The following FBXL17 variants were observed in gnomAD, a reference collection of about 807,000 sequenced individuals.
FBXL17 encodes F-box/LRR-repeat protein 17.
FBXL17 carries 22 observed loss-of-function variants against 66.2 expected under a neutral mutation model. That is an observed-to-expected ratio of 0.33 (90% CI 0.24 to 0.47). The LOEUF (loss-of-function observed/expected upper bound fraction) is 0.47. Ranked by LOEUF, FBXL17 falls within the 20% of genes least tolerant of loss-of-function variation. The pLI, the probability that FBXL17 is intolerant of heterozygous loss-of-function variation, is 1.00. For synonymous variants in FBXL17, 474 were observed against 400.5 expected, an observed-to-expected ratio of 1.18 and a Z score of -2.19; for missense variants, 878 against 948.2, an observed-to-expected ratio of 0.93 and a Z score of 0.97.
chr5:108,161,945 A>T (rs1752233886), intron 6 of FBXL17, among the ~76,000 whole-genome samples: 1 of 152,230 alleles, frequency 6.6e-6, no homozygotes, highest in Non-Finnish European at 1.5e-5. Flanking sequence ...TGCAAATTGG[A>T]GACCATTAAT....
intron 6 of FBXL17, among the ~76,000 whole-genome samples, chr5:108,137,829 A>C (rs1043818124): frequency 6.6e-6 from 1 of 152,202 alleles, no homozygotes; most frequent in Non-Finnish European, 1.5e-5. Context: ...GAAGCATTAC[A>C]TGTAATTTTA....
At chr5:108,325,980 G>A (rs1350429884) in intron 4 of FBXL17, among the ~76,000 whole-genome samples, 1 of 152,140 alleles carries the variant, frequency 6.6e-6, no homozygotes, top group Non-Finnish European at 1.5e-5. Flanking sequence ...CTAGACAGAG[G>A]ACATAGAAAG....
intron 4 of FBXL17, among the ~76,000 whole-genome samples, chr5:108,227,464 T>A (rs1364854921): frequency 1.3e-5 from 2 of 152,224 alleles, no homozygotes; most frequent in African/African-American, 4.8e-5. Flanking sequence ...TATGCTTAAT[T>A]TCAGATTCAC....
chr5:108,314,748 A>G (rs1274975063), intron 4 of FBXL17, among the ~76,000 whole-genome samples: 1 of 151,492 alleles, frequency 6.6e-6, no homozygotes, highest in Non-Finnish European at 1.5e-5. Flanking sequence ...GAAAGTTATT[A>G]AAGTCCTAAG....
chr5:107,879,428 G>A, intron 8 of FBXL17: 1 of 985,452 alleles, frequency 1.0e-6, no homozygotes. Context: ...TTGGTTAGTG[G>A]AAAGATTTGT....
chr5:108,199,226 A>C (rs73778682), intron 5 of FBXL17, among the ~76,000 whole-genome samples: 10,984 of 152,188 alleles, frequency 0.072, 1,313 homozygotes, highest in African/African-American at 0.25. Context: ...GATTTTTTTA[A>C]AACAAATAAA....
intron 8 of FBXL17, chr5:107,879,056 C>G (rs1373496684): frequency 1.0e-6 from 1 of 985,298 alleles, no homozygotes; most frequent in East Asian, 1.1e-4. Flanking sequence ...AGAAAATAAC[C>G]CATTTCTTAA....
At chr5:108,075,970 C>A (rs1253093594) in intron 6 of FBXL17, among the ~76,000 whole-genome samples, 1 of 152,090 alleles carries the variant, frequency 6.6e-6, no homozygotes, top group African/African-American at 2.4e-5. Context: ...AAGAAATGAT[C>A]CCAAATGTTT....
At chr5:107,990,659 T>C (rs1753203581) in intron 7 of FBXL17, among the ~76,000 whole-genome samples, 2 of 152,198 alleles carry the variant, frequency 1.3e-5, no homozygotes. Flanking sequence ...AGGGCTGGCA[T>C]ATAGCAAGTG....
chr5:108,253,857 G>T (rs1159027400), intron 4 of FBXL17, among the ~76,000 whole-genome samples: 1 of 152,076 alleles, frequency 6.6e-6, no homozygotes, highest in Non-Finnish European at 1.5e-5. Context: ...GCCAGGCATG[G>T]TGGTGGGTGC....
chr5:107,940,815 A>T (rs1751067113), intron 7 of FBXL17, among the ~76,000 whole-genome samples: 1 of 152,156 alleles, frequency 6.6e-6, no homozygotes, highest in Non-Finnish European at 1.5e-5. Flanking sequence ...TACACACTAG[A>T]ATCACCTGGA....
intron 5 of FBXL17, among the ~76,000 whole-genome samples, chr5:108,188,164 A>C (rs1028677619): frequency 6.6e-6 from 1 of 152,204 alleles, no homozygotes; most frequent in Non-Finnish European, 1.5e-5. Flanking sequence ...GGCAGTACTC[A>C]CACTCTTTCC....
chr5:108,257,776 A>G (rs1267848378), intron 4 of FBXL17, among the ~76,000 whole-genome samples: 1 of 152,176 alleles, frequency 6.6e-6, no homozygotes, highest in Non-Finnish European at 1.5e-5. Context: ...TTAAATGGGC[A>G]AAATGATCTT....
chr5:108,319,635 GTTTAT>G, intron 4 of FBXL17, among the ~76,000 whole-genome samples: 1 of 151,436 alleles, frequency 6.6e-6, no homozygotes, highest in African/African-American at 2.4e-5. Context: ...CCTAGGAATC[GTTTAT>G]TTTAAATGAA....
chr5:108,381,500 G>C lies in FBXL17; in HGVS notation c.192C>G (p.Ile64Met), dbSNP rs1282549817. 5.0e-6 allele frequency: 7 copies of C among 1,392,176 alleles called. No homozygotes were observed. Among genetic ancestry groups the C allele is most frequent in the South Asian group, 1.6e-5 (1 of 62,204 alleles). The allele number at this position is 1,392,176 out of a possible 1,614,324, so 86.2% of individuals were successfully genotyped here. Reference sequence around the variant, plus strand: ...GGGCGGGCGCGCCGGGACTGTGCACGATGAAGCAGAGCATGCAGGGCCCGC... The same window carrying C: ...GGGCGGGCGCGCCGGGACTGTGCACCATGAAGCAGAGCATGCAGGGCCCGC... ...FFRGPCMLCF[I>M]VHSPGAPAPA... Residue 64 changes from isoleucine (I) to methionine (M), a missense_variant, in exon 1 of 9, where the codon ATC (isoleucine) becomes ATG (methionine). Transcript: ENST00000542267.
intron 7 of FBXL17, among the ~76,000 whole-genome samples, chr5:107,989,035 T>C (rs1044332272): frequency 2.0e-5 from 3 of 152,076 alleles, no homozygotes; most frequent in Non-Finnish European, 4.4e-5. Flanking sequence ...TATATATTTA[T>C]GGGGTACAGG....
chr5:107,912,625 G>T (rs1445084159), intron 7 of FBXL17, among the ~76,000 whole-genome samples: 1 of 152,048 alleles, frequency 6.6e-6, no homozygotes, highest in Non-Finnish European at 1.5e-5. Context: ...TTTTGGATGG[G>T]TACATACATA....
intron 6 of FBXL17, among the ~76,000 whole-genome samples, chr5:108,124,789 T>G (rs964227721): frequency 2.0e-5 from 3 of 152,090 alleles, no homozygotes; most frequent in Admixed American, 6.6e-5. Context: ...TTGAAATCTC[T>G]TCTGTGCATC....
chr5:108,158,112 T>A (rs530490493), intron 6 of FBXL17, among the ~76,000 whole-genome samples: 1 of 152,268 alleles, frequency 6.6e-6, no homozygotes, highest in South Asian at 2.1e-4. Flanking sequence ...TATTTTCAGA[T>A]GATGTAACTG....
Sources: allele counts gnomAD v4.1 joint callset (sites outside exome capture counted in the v4.1 genomes callset), GRCh38; gene constraint gnomAD v4.1.1; transcripts MANE v1.5; gene names NCBI Gene and HGNC (gene_info 2026-07-23, HGNC 2026-07-21).